PARN: variants seen among roughly 807,000 people sequenced by gnomAD.
The protein encoded by PARN is poly(A)-specific ribonuclease, also known as poly(A)-specific ribonuclease PARN.
In PARN, 71 loss-of-function variants were observed where a neutral mutation model predicts 102.8. That is an observed-to-expected ratio of 0.69 (90% CI 0.57 to 0.84). The LOEUF (loss-of-function observed/expected upper bound fraction) is 0.84. Ranked by LOEUF, PARN falls within the 40% of genes least tolerant of loss-of-function variation. The pLI, the probability that PARN is intolerant of heterozygous loss-of-function variation, is 0.00. For synonymous variants in PARN, 261 were observed against 252.9 expected, an observed-to-expected ratio of 1.03 and a Z score of -0.30; for missense variants, 782 against 760.9, an observed-to-expected ratio of 1.03 and a Z score of -0.33.
chr16:14,582,840 G>A (rs1969614313), intron 16 of PARN, among the ~76,000 whole-genome samples: 1 of 152,116 alleles, frequency 6.6e-6, no homozygotes, highest in Non-Finnish European at 1.5e-5. Flanking sequence ...AAAGGTTATT[G>A]TTAGGATCAG....
At chr16:14,501,568 T>G (rs909312942) in intron 21 of PARN, 1 of 151,606 alleles carries the variant, frequency 6.6e-6, no homozygotes, top group Non-Finnish European at 1.5e-5. Context: ...CCTGATGTGG[T>G]TGGCCAACAG....
chr16:14,547,183 C>G (rs1967005095), intron 21 of PARN, among the ~76,000 whole-genome samples: 1 of 151,818 alleles, frequency 6.6e-6, no homozygotes, highest in African/African-American at 2.4e-5. Flanking sequence ...TTCCATGGCA[C>G]CAAGTCCCAC....
Position 14,630,231 on chromosome 16 carries a change from G to A in PARN, c.-106C>T. The A allele has an allele frequency of 9.9e-7, 1 of 1,012,010 alleles. No individual in the cohort carries two copies. The allele number at this position is 1,012,010 out of a possible 1,614,324, so 62.7% of individuals were successfully genotyped here. A position where few individuals can be genotyped will look rare whatever the true frequency, so the allele number is the denominator to read the frequency against. ...TGCGGCAGTAGCTGAGGCAGCCGCA[G>A]CGGTGACGCCGGCCGCGACTTCCGG... On this transcript the variant is annotated 5_prime_UTR_variant, in exon 1 of 24. Coordinates refer to ENST00000437198, the MANE Select transcript of PARN (RefSeq NM_002582.4).
chr16:14,452,479 T>C (rs118031068), intron 22 of PARN, among the ~76,000 whole-genome samples: 1 of 152,318 alleles, frequency 6.6e-6, no homozygotes, highest in East Asian at 1.9e-4. Flanking sequence ...TTCAAGTGAT[T>C]CTCATGCCTC....
intron 23 of PARN, among the ~76,000 whole-genome samples, chr16:14,440,374 A>C (rs1409107061): frequency 6.6e-6 from 1 of 152,236 alleles, no homozygotes; most frequent in African/African-American, 2.4e-5. Flanking sequence ...GAGGGCGCAG[A>C]GTGAGCTGAA....
chr16:14,567,979 T>G (rs1424732929), intron 18 of PARN, among the ~76,000 whole-genome samples: 2 of 152,324 alleles, frequency 1.3e-5, no homozygotes, highest in African/African-American at 4.8e-5. Context: ...TAAAAAGTTT[T>G]TGTTGGCATC....
intron 2 of PARN, 85 bp downstream of exon 2, chr16:14,629,512 G>T: frequency 1.0e-6 from 1 of 979,816 alleles, no homozygotes; most frequent in Non-Finnish European, 1.6e-6. Context: ...CCACCACCAA[G>T]CATAAGAAGT....
At chr16:14,617,715 G>A (rs1972016376) in intron 5 of PARN, 65 bp from the exon 6 acceptor site, 4 of 931,666 alleles carry the variant, frequency 4.3e-6, no homozygotes, top group Non-Finnish European at 7.1e-6. Flanking sequence ...AAGAGATGCA[G>A]AGAAGTAACT....
intron 21 of PARN, among the ~76,000 whole-genome samples, chr16:14,542,525 G>C (rs886367680): frequency 7.4e-5 from 11 of 148,276 alleles, no homozygotes; most frequent in African/African-American, 2.5e-4. Flanking sequence ...TGTTCAATGA[G>C]GTAAAGAAAT....
rs1972904968 is a variant in PARN at position 14,629,637 on chromosome 16, T to C, written c.57A>G (p.Ile19Met). The C allele has an allele frequency of 6.2e-7, 1 of 1,613,492 alleles. No individual in the cohort carries two copies. The highest frequency in any genetic ancestry group is 8.5e-7 in the Non-Finnish European group (1 of 1,179,390). Residue 19 changes from isoleucine (I) to methionine (M), a missense_variant, in exon 2 of 24, where the codon ATA (isoleucine) becomes ATG (methionine). By Grantham distance (10) the Ile-to-Met change is conservative (BLOSUM62 1). Transcript: ENST00000437198. ...CGATGGCGAAGAAGTCGGCCTCCTC[T>C]ATGGCCTGGTACACTTTGTGAAGAT... ...KSNLHKVYQA[I>M]EEADFFAIDG...
At chr16:14,611,606 T>C (rs1362810111) in intron 6 of PARN, among the ~76,000 whole-genome samples, 1 of 152,148 alleles carries the variant, frequency 6.6e-6, no homozygotes, top group Non-Finnish European at 1.5e-5. Flanking sequence ...AATGGCACAA[T>C]ATGAGCTCAC....
intron 21 of PARN, among the ~76,000 whole-genome samples, chr16:14,543,615 G>A (rs1179963957): frequency 6.6e-6 from 1 of 152,138 alleles, no homozygotes; most frequent in Non-Finnish European, 1.5e-5. Flanking sequence ...TATGAACTCT[G>A]AGAAGACTGT....
At chr16:14,495,135 G>A (rs1964245322) in intron 21 of PARN, among the ~76,000 whole-genome samples, 1 of 152,104 alleles carries the variant, frequency 6.6e-6, no homozygotes, top group Non-Finnish European at 1.5e-5. Context: ...AGCCTGGGAA[G>A]CTGTGGCCTG....
chr16:14,470,480 A>G (rs1051916101), intron 22 of PARN, among the ~76,000 whole-genome samples: 2 of 147,904 alleles, frequency 1.4e-5, no homozygotes, highest in African/African-American at 5.0e-5. Context: ...TATTTGAGAC[A>G]GGGTCTCACT....
chr16:14,540,955 A>C (rs1477360332), intron 21 of PARN, among the ~76,000 whole-genome samples: 1 of 152,042 alleles, frequency 6.6e-6, no homozygotes. Flanking sequence ...CGTCTTGAAA[A>C]AACAAACAAA....
chr16:14,461,403 T>C lies in PARN; in HGVS notation c.1671-14322A>G, dbSNP rs551304443. ...CTTCTTCTTGCCATGTAACTTATGA[T>C]ATGCAGTGAGTGTTTCTTCTATGCC... On this transcript the variant is annotated intron_variant, in intron 22 of 23. Transcript: ENST00000437198. Among the ~76,000 whole-genome samples, 96 of 152,246 alleles carry C rather than the reference T, an allele frequency of 6.3e-4. 1 individual carries two copies. Among genetic ancestry groups the C allele is most frequent in the Non-Finnish European group, 1.1e-3 (77 of 68,044 alleles).
chr16:14,477,075 A>G (rs1016280684), intron 22 of PARN, among the ~76,000 whole-genome samples: 8 of 152,222 alleles, frequency 5.3e-5, no homozygotes, highest in Admixed American at 4.6e-4. Flanking sequence ...TATAAGAAAC[A>G]TACTTTCATT....
chr16:14,543,050 C>T (rs774873614), intron 21 of PARN, among the ~76,000 whole-genome samples: 2 of 152,112 alleles, frequency 1.3e-5, no homozygotes, highest in Non-Finnish European at 2.9e-5. Flanking sequence ...TAAAACCAAT[C>T]GTAAATAGAA....
chr16:14,557,386 G>A (rs1051295086), intron 18 of PARN, among the ~76,000 whole-genome samples: 2 of 151,764 alleles, frequency 1.3e-5, no homozygotes, highest in African/African-American at 2.4e-5. Context: ...GTGAAATCCC[G>A]TCTCTACTAA....
Sources: allele counts gnomAD v4.1 joint callset (sites outside exome capture counted in the v4.1 genomes callset), GRCh38; gene constraint gnomAD v4.1.1; transcripts MANE v1.5; gene names NCBI Gene and HGNC (gene_info 2026-07-23, HGNC 2026-07-21).